Variants in ABCA7 observed in about 807,000 individuals in gnomAD.
ABCA7 encodes phospholipid-transporting ATPase ABCA7.
ABCA7 carries 261 observed loss-of-function variants against 227.6 expected under a neutral mutation model. The ratio of observed to expected loss-of-function variants is 1.15; its 90% confidence interval spans 1.04 to 1.27. ABCA7 has a LOEUF of 1.27. Among genes scored for constraint, ABCA7 ranks in the 50% most tolerant of loss-of-function variants. ABCA7 has a pLI of 0.00. For missense variants in ABCA7, 3,331 were observed against 2,924.5 expected (o/e 1.14, Z -3.21); for synonymous variants, 1,488 against 1,279.7 (o/e 1.16, Z -3.47).
chr19:1,048,496 C>CAAAAA lies in ABCA7; in HGVS notation c.2270-390_2270-386dup, dbSNP rs1234415864. On this transcript the variant is annotated intron_variant, in intron 16 of 46. Coordinates refer to ENST00000263094, the MANE Select transcript of ABCA7 (RefSeq NM_019112.4). ...GGGCAACAAGAGTGAAACTCAGTCT[C>CAAAAA]AAAAAAAAAAAAACAAAAAAAAAAA... Among the ~76,000 whole-genome samples the CAAAAA allele has an allele frequency of 4.6e-4, 10 of 21,628 alleles. 2 individuals are homozygous for CAAAAA. The highest frequency in any genetic ancestry group is 7.2e-4 in the Non-Finnish European group (9 of 12,472). 14.2% of individuals were successfully genotyped at this position (21,628 alleles called of 152,430 possible).
Position 1,042,064 on chromosome 19 carries a change from G to T in ABCA7, c.303G>T (p.Leu101=), listed in dbSNP as rs1219243456. The T allele has an allele frequency of 3.1e-6, 5 of 1,591,978 alleles. No individual in the cohort carries two copies. Among genetic ancestry groups the T allele is most frequent in the Non-Finnish European group, 3.4e-6 (4 of 1,175,758 alleles). Residue 101 remains leucine (L), a splice_region_variant and synonymous_variant, in exon 5 of 47, where the codon CTG becomes CTT. Transcript: ENST00000263094. ...CCTCCTGCCCTCTCTCTGTCCCCAG[G>T]GTCTCCCGGCTGCTAGCCGATGCCC... ...PGRLSNFNDS[L]VSRLLADART...
chr19:1,046,139 C>G (rs1021854280), intron 12 of ABCA7, 91 bp from the exon 13 acceptor site: 1 of 1,427,242 alleles, frequency 7.0e-7, no homozygotes, highest in African/African-American at 1.4e-5. Flanking sequence ...GGCGACAGAG[C>G]AAGACCCTGT....
In ABCA7 at chr19:1,050,930, G is replaced by C. The variant is rs1837851849; in HGVS notation, c.2562G>C (p.Leu854Phe). The change falls in exon 19 of 47, where the codon TTG becomes TTC. Residue 854 changes from leucine (L) to phenylalanine (F), a missense_variant. By Grantham distance (22) the Leu-to-Phe change is conservative. Coordinates refer to ENST00000263094, the MANE Select transcript of ABCA7 (RefSeq NM_019112.4). ...GAGKTTTLSI[L>F]SGLFPPSGGS... is the part of the protein sequence containing the mutation. ...ACCCCTCTATCCACAGGTCCATCTT[G>C]AGTGGCCTCTTCCCACCCAGTGGTG... 1 of 1,606,696 alleles carries C rather than the reference G, an allele frequency of 6.2e-7. No individual in the cohort carries two copies. Among genetic ancestry groups the C allele is most frequent in the Non-Finnish European group, 8.5e-7 (1 of 1,176,048 alleles).
In ABCA7 at chr19:1,059,091, T is replaced by G. The variant is rs1409591952; in HGVS notation, c.5463+6T>G. 1 of 1,611,952 alleles carries G rather than the reference T, an allele frequency of 6.2e-7. No homozygotes were observed. Among genetic ancestry groups the G allele is most frequent in the Non-Finnish European group, 8.5e-7 (1 of 1,179,586 alleles). ...TGGGGATTCCCCCTGGTGAGGTGAG[T>G]CCAGGGGTGGAGGCCAGGTGCAGGG... On this transcript the variant is annotated splice_donor_region_variant and intron_variant, in intron 40 of 46. Transcript: ENST00000263094.
intron 37 of ABCA7, 106 bp from the exon 38 acceptor site, chr19:1,058,512 A>C (rs1448719187): frequency 1.3e-6 from 2 of 1,541,378 alleles, no homozygotes; most frequent in African/African-American, 1.4e-5. Flanking sequence ...TGAGTGGCCT[A>C]TCCAATTTGT....
intron 40 of ABCA7, among the ~76,000 whole-genome samples, chr19:1,059,931 A>T (rs892995642): frequency 6.6e-6 from 1 of 152,174 alleles, no homozygotes; most frequent in Non-Finnish European, 1.5e-5. Context: ...TTAAACACAC[A>T]CTGTGCTCAC....
In ABCA7 at chr19:1,065,534, AAAT is replaced by A. The variant is rs1816140550; in HGVS notation, c.*112_*114del. On this transcript the variant is annotated 3_prime_UTR_variant, in exon 47 of 47. Coordinates refer to ENST00000263094, the MANE Select transcript of ABCA7 (RefSeq NM_019112.4). ...GGCAGAGGGGCTGGTGCCCTGGAGA[AAAT>A]AAAGAGAAGGCTGGAGAGAAGCCGT... The A allele has an allele frequency of 7.6e-7, 1 of 1,309,174 alleles. No individual in the cohort carries two copies. Among genetic ancestry groups the A allele is most frequent in the South Asian group, 1.4e-5 (1 of 72,812 alleles). The allele number at this position is 1,309,174 out of a possible 1,614,324, so 81.1% of individuals were successfully genotyped here.
Position 1,058,704 on chromosome 19 carries a change from C to T in ABCA7, c.5236C>T (p.Leu1746Phe), listed in dbSNP as rs1489457844. The T allele has an allele frequency of 6.2e-7, 1 of 1,614,044 alleles. No individual in the cohort carries two copies. The highest frequency in any genetic ancestry group is 1.7e-5 in the Admixed American group (1 of 60,018). The part of the protein sequence containing the change: ...AMVIQGPLFL[L>F]FTLLLQHRSQ... ...GGTGATACAGGGGCCCCTCTTCCTTCTCTTCACACTACTGCTGCAGCACCG... is the reference window on the plus strand; with the variant it reads ...GGTGATACAGGGGCCCCTCTTCCTTTTCTTCACACTACTGCTGCAGCACCG... Residue 1746 changes from leucine (L) to phenylalanine (F), a missense_variant, in exon 38 of 47, where the codon CTC (leucine) becomes TTC (phenylalanine). Coordinates refer to ENST00000263094, the MANE Select transcript of ABCA7 (RefSeq NM_019112.4).
chr19:1,051,373 CTGAGGT>C, intron 20 of ABCA7, 70 bp from the exon 21 acceptor site: 1 of 714,290 alleles, frequency 1.4e-6, no homozygotes, highest in Non-Finnish European at 2.0e-6. Context: ...AAGCCGGGTA[CTGAGGT>C]CCACGTGGGT....
chr19:1,063,913 GGA>G, intron 44 of ABCA7, 50 bp downstream of exon 44: 1 of 1,480,672 alleles, frequency 6.8e-7, no homozygotes. Context: ...ATCCAGGCCT[GGA>G]GAGAGAGCCC....
At chr19:1,062,007 C>T (rs1434023050) in intron 41 of ABCA7, 119 bp downstream of exon 41, 1 of 1,415,672 alleles carries the variant, frequency 7.1e-7, no homozygotes, top group Non-Finnish European at 9.5e-7. Flanking sequence ...TGCATGGTCT[C>T]TGAGACCCCT....
chr19:1,043,739 C>A lies in ABCA7; in HGVS notation c.945C>A (p.Phe315Leu), dbSNP rs1475248024. 2 of 1,612,716 alleles carry A rather than the reference C, an allele frequency of 1.2e-6. No individual in the cohort carries two copies. The highest frequency in any genetic ancestry group is 3.3e-5 in the Admixed American group (2 of 59,962). Reference sequence around the variant, plus strand: ...GCTGTCCACAGGTGAACCGGACCTTCGAGGAGCTCACCCTGCTGAGGGATG... The same window carrying A: ...GCTGTCCACAGGTGAACCGGACCTTAGAGGAGCTCACCCTGCTGAGGGATG... ...RKLMAQVNRT[F>L]EELTLLRDVR... The change falls in exon 10 of 47, where the codon TTC becomes TTA. Residue 315 changes from phenylalanine to leucine, a missense_variant. Phe to Leu is a conservative substitution (Grantham distance 22). Coordinates refer to ENST00000263094, the MANE Select transcript of ABCA7 (RefSeq NM_019112.4).
At position 1,061,770 on chromosome 19, in the gene ABCA7, G is replaced by T. The variant is rs943488182; in HGVS notation, c.5464-12G>T. ...GGGCCTCACTGAGCACCATCTGTGG[G>T]CATCCCTGTAGTGTTTTGGGCTGCT... On this transcript the variant is annotated splice_polypyrimidine_tract_variant and intron_variant, in intron 40 of 46. Coordinates refer to ENST00000263094, the MANE Select transcript of ABCA7 (RefSeq NM_019112.4). 5 of 1,611,590 alleles carry T rather than the reference G, an allele frequency of 3.1e-6. No homozygotes were observed. The highest frequency in any genetic ancestry group is 4.2e-6 in the Non-Finnish European group (5 of 1,178,648).
intron 21 of ABCA7, 98 bp downstream of exon 21, chr19:1,051,684 G>T: frequency 8.0e-7 from 1 of 1,252,374 alleles, no homozygotes; most frequent in Non-Finnish European, 1.1e-6. Context: ...TTTGCTACAT[G>T]TGGACCCCAC....
chr19:1,062,233 A>C lies in ABCA7; in HGVS notation c.5632A>C (p.Ile1878Leu). 1 of 1,612,326 alleles carries C rather than the reference A, an allele frequency of 6.2e-7. No individual in the cohort carries two copies. Among genetic ancestry groups the C allele is most frequent in the Non-Finnish European group, 8.5e-7 (1 of 1,179,792 alleles). Residue 1878 changes from isoleucine to leucine, a missense_variant, in exon 42 of 47, where the codon ATC becomes CTC. Physicochemically the swap from Ile to Leu is conservative, Grantham distance 5. Transcript: ENST00000263094. ...GGGATACTGCCCTCAATCCGATGCC[A>C]TCTTTGAGCTGCTGACGGGCCGCGA... Reference protein sequence around the residue: ...SMGYCPQSDAIFELLTGREHL... With the variant: ...SMGYCPQSDALFELLTGREHL...
rs760814675 is a variant in ABCA7 at position 1,042,298 on chromosome 19, G to A, written c.416-17G>A. ...AACGTCCCCCCAGCCCCATGCTCCC[G>A]TGCGCTCCTCCCCCAGCCCAGCCTC... is the stretch of plus-strand genomic sequence containing the variant. On this transcript the variant is annotated splice_polypyrimidine_tract_variant and intron_variant, in intron 5 of 46. Transcript: ENST00000263094. The A allele has an allele frequency of 2.0e-5, 31 of 1,574,466 alleles. No individual in the cohort carries two copies. Among genetic ancestry groups the A allele is most frequent in the Non-Finnish European group, 2.6e-5 (30 of 1,154,492 alleles).
intron 45 of ABCA7, chr19:1,064,590 G>A: frequency 2.5e-6 from 1 of 397,088 alleles, no homozygotes; most frequent in Non-Finnish European, 4.5e-6. Flanking sequence ...TAGGAAAGTG[G>A]GGCGGGGGTA....
At position 1,047,183 on chromosome 19, in the gene ABCA7, C is replaced by T. The variant is rs373020856; in HGVS notation, c.1872C>T (p.His624=). 6.6e-5 allele frequency: 106 copies of T among 1,605,090 alleles called. No homozygotes were observed. The highest frequency in any genetic ancestry group is 8.7e-5 in the Non-Finnish European group (103 of 1,177,758). Residue 624 remains histidine (H), a synonymous_variant, in exon 15 of 47, where the codon CAC becomes CAT. Transcript: ENST00000263094. ...TGGGAGACATCCTCCCCTACAGCCA[C>T]CCGGGCGTGGTCTTCCTGTTCTTGG... is the stretch of plus-strand genomic sequence containing the variant. ...LKLGDILPYS[H]PGVVFLFLAA...
In ABCA7 at chr19:1,061,898, G is replaced by A; in HGVS notation, c.5570+10G>A. On this transcript the variant is annotated intron_variant, in intron 41 of 46. Transcript: ENST00000263094. ...TGCTGGCAGGCCACAGGTGAGGGGT[G>A]CCAGGTAGGGTCAGGGTGGGGCAGG... 6.3e-7 allele frequency: 1 copy of A among 1,575,636 alleles called. No homozygotes were observed. The highest frequency in any genetic ancestry group is 1.2e-5 in the South Asian group (1 of 84,374).
Sources: allele counts gnomAD v4.1 joint callset (sites outside exome capture counted in the v4.1 genomes callset), GRCh38; gene constraint gnomAD v4.1.1; transcripts MANE v1.5; gene names NCBI Gene and HGNC (gene_info 2026-07-23, HGNC 2026-07-21).